NPAS3: variants seen among roughly 807,000 people sequenced by gnomAD.
NPAS3 encodes neuronal PAS domain-containing protein 3.
In NPAS3, 14 loss-of-function variants were observed where a neutral mutation model predicts 73.1. That is an observed-to-expected ratio of 0.19 (90% CI 0.13 to 0.30). NPAS3 has a LOEUF of 0.30. NPAS3 is among the 10% of genes least tolerant of loss of function. The probability of loss-of-function intolerance (pLI) is 1.00; values close to 1 mark genes in which losing one functional copy is unlikely to be tolerated. For missense variants in NPAS3, 1,096 were observed against 1,250.0 expected, an observed-to-expected ratio of 0.88 and a Z score of 1.86; for synonymous variants, 620 against 541.5, an observed-to-expected ratio of 1.14 and a Z score of -2.01.
At chr14:33,328,674 G>A (rs1260742532) in intron 3 of NPAS3, among the ~76,000 whole-genome samples, 1 of 151,540 alleles carries the variant, frequency 6.6e-6, no homozygotes, top group Non-Finnish European at 1.5e-5. Context: ...AGCCAGGATG[G>A]TCTCCACCTC....
At chr14:33,518,309 A>T (rs1386127359) in intron 4 of NPAS3, among the ~76,000 whole-genome samples, 2 of 152,062 alleles carry the variant, frequency 1.3e-5, no homozygotes, top group East Asian at 3.9e-4. Flanking sequence ...TGGGAGAGAT[A>T]GGAGTCAGTT....
intron 2 of NPAS3, among the ~76,000 whole-genome samples, chr14:33,204,766 A>T (rs1222236553): frequency 1.3e-5 from 2 of 152,288 alleles, no homozygotes; most frequent in Admixed American, 1.3e-4. Context: ...CCCTTGTGGG[A>T]TAACTTGAGA....
At chr14:33,072,667 ATCTT>A (rs1175498844) in intron 2 of NPAS3, among the ~76,000 whole-genome samples, 45 of 152,152 alleles carry the variant, frequency 3.0e-4, no homozygotes, top group Non-Finnish European at 5.6e-4. Flanking sequence ...TTTGACATAA[ATCTT>A]TGTTTAGAAG....
intron 3 of NPAS3, among the ~76,000 whole-genome samples, chr14:33,288,627 A>C (rs1245695843): frequency 6.6e-6 from 1 of 151,950 alleles, no homozygotes; most frequent in East Asian, 1.9e-4. Context: ...AACACATCTA[A>C]ACTATGATGT....
intron 3 of NPAS3, among the ~76,000 whole-genome samples, chr14:33,264,183 A>C (rs1003285652): frequency 2.0e-5 from 3 of 152,116 alleles, no homozygotes; most frequent in African/African-American, 7.2e-5. Flanking sequence ...CAAAAAACCA[A>C]ACACCGCATG....
chr14:33,434,372 C>T (rs1050597783), intron 4 of NPAS3, among the ~76,000 whole-genome samples: 6 of 151,740 alleles, frequency 4.0e-5, no homozygotes. Context: ...ACAAAAAATA[C>T]AAACATTAGT....
intron 2 of NPAS3, among the ~76,000 whole-genome samples, chr14:33,068,139 A>G (rs886738787): frequency 6.6e-6 from 1 of 152,208 alleles, no homozygotes; most frequent in African/African-American, 2.4e-5. Context: ...GCTGCTTCAT[A>G]AATAGTTACC....
At chr14:33,288,726 T>C (rs1488189026) in intron 3 of NPAS3, among the ~76,000 whole-genome samples, 1 of 152,080 alleles carries the variant, frequency 6.6e-6, no homozygotes, top group Non-Finnish European at 1.5e-5. Context: ...TGTGTACATT[T>C]TCTAAAATGA....
intron 5 of NPAS3, among the ~76,000 whole-genome samples, chr14:33,569,328 GA>G (rs994247563): frequency 6.6e-6 from 1 of 152,166 alleles, no homozygotes; most frequent in South Asian, 2.1e-4. Context: ...CCCTGGGAAG[GA>G]AAAAATATGG....
chr14:33,507,702 TATC>T (rs1424550791), intron 4 of NPAS3, among the ~76,000 whole-genome samples: 2 of 152,032 alleles, frequency 1.3e-5, no homozygotes, highest in African/African-American at 4.8e-5. Context: ...GAATTCAAAT[TATC>T]GAGTTCTGTT....
chr14:33,504,598 TAGA>T (rs1469694184), intron 4 of NPAS3, among the ~76,000 whole-genome samples: 5 of 152,036 alleles, frequency 3.3e-5, no homozygotes, highest in Non-Finnish European at 7.4e-5. Flanking sequence ...TAAACTTAAG[TAGA>T]AGATTTTATG....
intron 5 of NPAS3, among the ~76,000 whole-genome samples, chr14:33,564,977 C>G (rs1356372597): frequency 6.6e-6 from 1 of 152,116 alleles, no homozygotes; most frequent in Non-Finnish European, 1.5e-5. Flanking sequence ...CATAATGAGT[C>G]ACTTCCCTTT....
Position 33,800,507 on chromosome 14 carries a change from TCGGCCACCG to T in NPAS3, c.2206_2214del (p.Thr736_Ala738del). On this transcript the variant is annotated inframe_deletion, in exon 12 of 12. Coordinates refer to ENST00000356141, the Ensembl canonical transcript of NPAS3. The surrounding 1 kb of genome is among the most constrained non-coding windows in gnomAD (Gnocchi z 6.5). ...CGCCCGCAAGACTCAGTTCGGCGCC[TCGGCCACCG>T]CGGCCCTGGCCCCCGTCGCCTCCGA... 4.9e-6 allele frequency: 7 copies of T among 1,430,966 alleles called. No individual in the cohort carries two copies. The highest frequency in any genetic ancestry group is 6.4e-6 in the Non-Finnish European group (7 of 1,100,012). The allele number at this position is 1,430,966 out of a possible 1,614,324, so 88.6% of individuals were successfully genotyped here.
In NPAS3 at chr14:33,784,753, T is replaced by TA. The variant is rs1566538743; in HGVS notation, c.1153+6181_1153+6182insA. The stretch of plus-strand genomic sequence containing the variant: ...TATTTATTTATTTATTTATTTTTTT[T>TA]TTTTTTTTTTTTTTGAGACAGAGTT... On this transcript the variant is annotated intron_variant, in intron 9 of 11. Transcript: ENST00000356141. Among the ~76,000 whole-genome samples the TA allele has an allele frequency of 5.7e-4, 40 of 70,518 alleles. 1 individual carries two copies. The highest frequency in any genetic ancestry group is 2.0e-3 in the East Asian group (5 of 2,536). The allele number at this position is 70,518 out of a possible 152,430, so 46.3% of individuals were successfully genotyped here.
At chr14:33,004,870 C>T (rs1029630278) in intron 1 of NPAS3, among the ~76,000 whole-genome samples, 3 of 76,084 alleles carry the variant, frequency 3.9e-5, no homozygotes, top group African/African-American at 1.2e-4. Flanking sequence ...AACTAAGACA[C>T]AAACCTTCAC....
At chr14:33,686,782 G>T (rs966793777) in intron 6 of NPAS3, among the ~76,000 whole-genome samples, 1 of 152,110 alleles carries the variant, frequency 6.6e-6, no homozygotes, top group African/African-American at 2.4e-5. Flanking sequence ...ATCTAAAACA[G>T]CTGTCCAACC....
rs140844361 is a variant in NPAS3 at position 32,989,643 on chromosome 14, AAACAACAACAAC to A, written c.50+50295_50+50306del. On this transcript the variant is annotated intron_variant, in intron 1 of 11. Coordinates refer to ENST00000356141, the Ensembl canonical transcript of NPAS3. ...CTGGGCGACAGCGAGACTCGGTCTC[AAACAACAACAAC>A]AACAACAACAACAACAAAACAAAAC... Among the ~76,000 whole-genome samples, 19 of 151,368 alleles carry A rather than the reference AAACAACAACAAC, an allele frequency of 1.3e-4. No homozygotes were observed. In the East Asian group the frequency reaches 3.3e-3, roughly 26 times the overall value.
At chr14:33,086,017 C>T (rs1020349040) in intron 2 of NPAS3, among the ~76,000 whole-genome samples, 3 of 152,132 alleles carry the variant, frequency 2.0e-5, no homozygotes, top group African/African-American at 7.2e-5. Flanking sequence ...ATTTTACAAA[C>T]ATGCTTTCCA....
intron 4 of NPAS3, among the ~76,000 whole-genome samples, chr14:33,449,567 T>A (rs2049690479): frequency 2.0e-5 from 3 of 152,072 alleles, no homozygotes; most frequent in African/African-American, 7.2e-5. Context: ...TCATCTTATA[T>A]GATTGAACCA....
Sources: allele counts gnomAD v4.1 joint callset (sites outside exome capture counted in the v4.1 genomes callset), GRCh38; gene constraint gnomAD v4.1.1; non-coding constraint Gnocchi (gnomAD v3.1); transcripts MANE v1.5; gene names NCBI Gene and HGNC (gene_info 2026-07-23, HGNC 2026-07-21).